Variants in KHSRP observed in about 807,000 individuals in gnomAD.
KHSRP encodes the protein KH-type splicing regulatory protein, also known as far upstream element-binding protein 2.
A neutral mutation model predicts 94.9 loss-of-function variants in KHSRP; 13 were observed. The ratio of observed to expected loss-of-function variants is 0.14; its 90% CI spans 0.09 to 0.22. The LOEUF (loss-of-function observed/expected upper bound fraction) is 0.22. KHSRP is among the 10% of genes least tolerant of loss of function. KHSRP has a pLI of 1.00. For missense variants in KHSRP, 710 were observed against 1,010.0 expected (o/e 0.70, Z 4.03); for synonymous variants, 495 against 401.4 (o/e 1.23, Z -2.79).
At position 6,417,923 on chromosome 19, in the gene KHSRP, C is replaced by T. The variant is rs1599239992; in HGVS notation, c.978+58G>A. The T allele has an allele frequency of 1.4e-5, 22 of 1,602,126 alleles. No individual in the cohort carries two copies. The East Asian group carries it at 4.0e-4, about 29-fold the overall frequency. ...CCACTGGCCACAAGGAGCCACTCAC[C>T]CCGGCCCCTCCCTCCACTGGCGGGG... On this transcript the variant is annotated intron_variant, in intron 10 of 18. Coordinates refer to ENST00000600480, the MANE Select transcript of KHSRP (RefSeq NM_001366299.1).
At position 6,415,140 on chromosome 19, in the gene KHSRP, CCTG is replaced by C. The variant is rs1293832521; in HGVS notation, c.2125_2127del (p.Gln709del). The C allele has an allele frequency of 6.2e-7, 1 of 1,602,100 alleles. No individual in the cohort carries two copies. Among genetic ancestry groups the C allele is most frequent in the African/African-American group, 1.3e-5 (1 of 74,756 alleles). On this transcript the variant is annotated inframe_deletion, in exon 19 of 19. Coordinates refer to ENST00000600480, the MANE Select transcript of KHSRP (RefSeq NM_001366299.1). ...GGAGGAGGGTGGCAATTCCCACTTG[CCTG>C]CTGCTGTCCCTGCTGCGTGGGCGGC...
At position 6,414,939 on chromosome 19, in the gene KHSRP, T is replaced by A. The variant is rs2092132012; in HGVS notation, c.*85A>T. On this transcript the variant is annotated 3_prime_UTR_variant, in exon 19 of 19. Coordinates refer to ENST00000600480, the MANE Select transcript of KHSRP (RefSeq NM_001366299.1). ...AGCCGGCGCAGGGAGGCCTCTTCGT[T>A]TAACCTCTGGACCCAGCGAATGCTT... 5 of 1,414,082 alleles carry A rather than the reference T, an allele frequency of 3.5e-6. No homozygotes were observed. In the African/African-American group the frequency reaches 7.2e-5, roughly 20 times the overall value. 87.6% of individuals were successfully genotyped at this position (1,414,082 alleles called of 1,614,324 possible).
chr19:6,421,464 T>C (rs2092194590), intron 3 of KHSRP, 147 bp from the exon 4 acceptor site: 3 of 1,008,856 alleles, frequency 3.0e-6, no homozygotes, highest in Non-Finnish European at 4.5e-6. Flanking sequence ...TTCCTCCCCA[T>C]AAAAGCACAG....
rs575918023 is a variant in KHSRP at position 6,416,203 on chromosome 19, C to T, written c.1598+95G>A. Reference sequence around the variant, plus strand: ...AAATGGGCTGGATGAGGCCCCCCGCCTGCACTTCTAGGGAAAGGGAAATGG... The same window carrying T: ...AAATGGGCTGGATGAGGCCCCCCGCTTGCACTTCTAGGGAAAGGGAAATGG... On this transcript the variant is annotated intron_variant, in intron 15 of 18. Coordinates refer to ENST00000600480, the MANE Select transcript of KHSRP (RefSeq NM_001366299.1). 2.7e-4 allele frequency: 280 copies of T among 1,036,778 alleles called. 1 individual carries two copies. In the African/African-American group the frequency reaches 4.1e-3, roughly 15 times the overall value. The allele number at this position is 1,036,778 out of a possible 1,614,324, so 64.2% of individuals were successfully genotyped here.
chr19:6,423,596 C>CTGG (rs528370946), intron 1 of KHSRP, among the ~76,000 whole-genome samples: 4 of 152,334 alleles, frequency 2.6e-5, no homozygotes, highest in South Asian at 4.1e-4. Flanking sequence ...ACCCACCCAA[C>CTGG]TCCAAGGGTG....
intron 15 of KHSRP, among the ~76,000 whole-genome samples, 193 bp downstream of exon 15, chr19:6,416,105 C>T (rs972220278): frequency 3.9e-5 from 6 of 152,212 alleles, no homozygotes; most frequent in East Asian, 1.9e-4. Context: ...GAAACTTGCA[C>T]GTGCACAGAG....
Position 6,413,977 on chromosome 19 carries a change from G to T in KHSRP, c.*1047C>A. The T allele has an allele frequency of 9.1e-7, 1 of 1,093,034 alleles. No individual in the cohort carries two copies. Among genetic ancestry groups the T allele is most frequent in the Non-Finnish European group, 1.3e-6 (1 of 799,934 alleles). The allele number at this position is 1,093,034 out of a possible 1,614,324, so 67.7% of individuals were successfully genotyped here. A position where few individuals can be genotyped will look rare whatever the true frequency, so the allele number is the denominator to read the frequency against. ...CATGCCCCCAAGTCCCCCCCACCCT[G>T]CTTGCCGCGAGGGCTCCCCAGTACT... On this transcript the variant is annotated 3_prime_UTR_variant, in exon 19 of 19. Coordinates refer to ENST00000600480, the MANE Select transcript of KHSRP (RefSeq NM_001366299.1).
rs756515058 is a variant in KHSRP at position 6,416,472 on chromosome 19, G to C, written c.1488+18C>G. 6.2e-7 allele frequency: 1 copy of C among 1,612,498 alleles called. No individual in the cohort carries two copies. Among genetic ancestry groups the C allele is most frequent in the Non-Finnish European group, 8.5e-7 (1 of 1,179,370 alleles). On this transcript the variant is annotated intron_variant, in intron 14 of 18. Coordinates refer to ENST00000600480, the MANE Select transcript of KHSRP (RefSeq NM_001366299.1). ...TCCGGGCTGTGAGACCAAATCCCCA[G>C]AGCCCGCCCCAACCCACCTCGATCT...
At position 6,414,731 on chromosome 19, in the gene KHSRP, G is replaced by T. The variant is rs2092129381; in HGVS notation, c.*293C>A. 12 of 1,058,496 alleles carry T rather than the reference G, an allele frequency of 1.1e-5. No individual in the cohort carries two copies. The highest frequency in any genetic ancestry group is 1.4e-5 in the Non-Finnish European group (12 of 877,744). The allele number at this position is 1,058,496 out of a possible 1,614,324, so 65.6% of individuals were successfully genotyped here. ...GAACAAAAACCAAAAAAGTGATGCAGAGAAGGGGAAAAAATAGACGTTTTC... is the reference window on the plus strand; with the variant it reads ...GAACAAAAACCAAAAAAGTGATGCATAGAAGGGGAAAAAATAGACGTTTTC... On this transcript the variant is annotated 3_prime_UTR_variant, in exon 19 of 19. Transcript: ENST00000600480.
chr19:6,423,394 G>T lies in KHSRP; in HGVS notation c.250-958C>A, dbSNP rs529595311. ...AGCAAACTTAGGATCAGAGTCTGGG[G>T]TTTAGAAACCCAAACCATGTTAAGA... On this transcript the variant is annotated intron_variant, in intron 1 of 18. Coordinates refer to ENST00000600480, the MANE Select transcript of KHSRP (RefSeq NM_001366299.1). Among the ~76,000 whole-genome samples the T allele has an allele frequency of 3.9e-5, 6 of 152,302 alleles. No individual in the cohort carries two copies. The South Asian group carries it at 8.3e-4, about 21-fold the overall frequency.
In KHSRP at chr19:6,414,322, C is replaced by G. The variant is rs1599234204; in HGVS notation, c.*702G>C. 1 of 1,394,518 alleles carries G rather than the reference C, an allele frequency of 7.2e-7. No homozygotes were observed. Among genetic ancestry groups the G allele is most frequent in the East Asian group, 2.7e-5 (1 of 37,680 alleles). 86.4% of individuals were successfully genotyped at this position (1,394,518 alleles called of 1,614,324 possible). A position where few individuals can be genotyped will look rare whatever the true frequency, so the allele number is the denominator to read the frequency against. On this transcript the variant is annotated 3_prime_UTR_variant, in exon 19 of 19. Transcript: ENST00000600480. ...GGGACTCGCTGAAGTCACGCTGCTC[C>G]CTGATGGAGAAGGAGGGACAGAGCA...
chr19:6,415,975 T>A (rs1479618984), intron 15 of KHSRP, 79 bp from the exon 16 acceptor site: 4 of 933,570 alleles, frequency 4.3e-6, no homozygotes. Context: ...GGGGATGTTT[T>A]TCAGTGGGGA....
Position 6,413,987 on chromosome 19 carries a change from AG to A in KHSRP, c.*1036del. On this transcript the variant is annotated 3_prime_UTR_variant, in exon 19 of 19. Coordinates refer to ENST00000600480, the MANE Select transcript of KHSRP (RefSeq NM_001366299.1). ...AGTCCCCCCCACCCTGCTTGCCGCG[AG>A]GGCTCCCCAGTACTCCCCACGGCAG... 1.1e-6 allele frequency: 1 copy of A among 891,926 alleles called. No homozygotes were observed. The highest frequency in any genetic ancestry group is 3.5e-5 in the East Asian group (1 of 28,642). 55.3% of individuals were successfully genotyped at this position (891,926 alleles called of 1,614,324 possible). A position where few individuals can be genotyped will look rare whatever the true frequency, so the allele number is the denominator to read the frequency against.
chr19:6,421,019 G>A (rs971528945), intron 4 of KHSRP: 3 of 519,068 alleles, frequency 5.8e-6, no homozygotes, highest in African/African-American at 1.9e-5. Flanking sequence ...CACCCCAGCG[G>A]AGGAAGCCAT....
chr19:6,416,552 T>C lies in KHSRP; in HGVS notation c.1426A>G (p.Ile476Val). Residue 476 changes from isoleucine (I) to valine (V), a missense_variant, in exon 14 of 19, where the codon ATC becomes GTC. Ile to Val is a conservative substitution (Grantham distance 29). Around this residue, in one of 5 missense-constraint regions of KHSRP, gnomAD observed 37 missense variants for 61.1 expected, o/e 0.61. Transcript: ENST00000600480. The part of the protein sequence containing the change: ...PNGDPNFKLF[I>V]IRGSPQQIDH... The stretch of plus-strand genomic sequence containing the variant: ...ATCTGCTGGGGTGAACCCCGGATGA[T>C]GAACAACTTGAAGTTGGGGTCCCCG... 1.2e-6 allele frequency: 2 copies of C among 1,613,822 alleles called. No homozygotes were observed. Among genetic ancestry groups the C allele is most frequent in the Non-Finnish European group, 8.5e-7 (1 of 1,179,696 alleles).
At position 6,418,050 on chromosome 19, in the gene KHSRP, G is replaced by C; in HGVS notation, c.909C>G (p.Leu303=). Residue 303 remains leucine (L), a synonymous_variant, in exon 10 of 19, where the codon CTC becomes CTG. Coordinates refer to ENST00000600480, the MANE Select transcript of KHSRP (RefSeq NM_001366299.1). This position sits in a 1 kb window ranked among gnomAD's most constrained non-coding sequence, Gnocchi z 4.3. ...QQACEMVMDI[L]RERDQGGFGD... Reference sequence around the variant, plus strand: ...CAAAGCCGCCTTGGTCACGTTCCCGGAGGATGTCCATCACCATCTCACAGG... The same window carrying C: ...CAAAGCCGCCTTGGTCACGTTCCCGCAGGATGTCCATCACCATCTCACAGG... 1 of 1,613,942 alleles carries C rather than the reference G, an allele frequency of 6.2e-7. No homozygotes were observed. Among genetic ancestry groups the C allele is most frequent in the Non-Finnish European group, 8.5e-7 (1 of 1,179,872 alleles).
Position 6,414,847 on chromosome 19 carries a change from G to A in KHSRP, c.*177C>T. On this transcript the variant is annotated 3_prime_UTR_variant, in exon 19 of 19. Transcript: ENST00000600480. Reference sequence around the variant, plus strand: ...CTGCCTGCCCCCCGACTCCCCAGCAGTTCAGAAGTCCCGCCTGCGAGTCTC... The same window carrying A: ...CTGCCTGCCCCCCGACTCCCCAGCAATTCAGAAGTCCCGCCTGCGAGTCTC... The A allele has an allele frequency of 7.8e-7, 1 of 1,285,260 alleles. No individual in the cohort carries two copies. The highest frequency in any genetic ancestry group is 2.2e-5 in the South Asian group (1 of 46,418). The allele number at this position is 1,285,260 out of a possible 1,614,324, so 79.6% of individuals were successfully genotyped here.
intron 1 of KHSRP, 144 bp from the exon 2 acceptor site, chr19:6,422,580 G>A (rs2092201646): frequency 1.6e-6 from 1 of 619,986 alleles, no homozygotes; most frequent in African/African-American, 1.8e-5. Flanking sequence ...AGAGTCAGTT[G>A]GTTAAGACAT....
At chr19:6,419,313 G>A in intron 6 of KHSRP, 53 bp from the exon 7 acceptor site, 3 of 1,493,514 alleles carry the variant, frequency 2.0e-6, no homozygotes, top group Middle Eastern at 1.7e-4. Context: ...GCAGAGAAAG[G>A]CCTGCCTTGG....
Sources: allele counts gnomAD v4.1 joint callset (sites outside exome capture counted in the v4.1 genomes callset), GRCh38; gene constraint gnomAD v4.1.1; regional missense constraint gnomAD v4.1.1; non-coding constraint Gnocchi (gnomAD v3.1); transcripts MANE v1.5; gene names NCBI Gene and HGNC (gene_info 2026-07-23, HGNC 2026-07-21).